KAZN: variants seen among roughly 807,000 people sequenced by gnomAD.
The protein encoded by KAZN is kazrin, periplakin interacting protein.
A neutral mutation model predicts 87.4 loss-of-function variants in KAZN; 40 were observed. The observed-to-expected ratio is 0.46, with a 90% CI of 0.36 to 0.60. The LOEUF is 0.60. Ranked by LOEUF, KAZN falls within the 20% of genes least tolerant of loss-of-function variation. KAZN has a pLI of 0.00. For synonymous variants in KAZN, 466 were observed against 458.3 expected (o/e 1.02, Z -0.22); for missense variants, 898 against 1,073.9 (o/e 0.84, Z 2.29).
At chr1:14,780,449 A>G (rs1300432392) in intron 1 of KAZN, among the ~76,000 whole-genome samples, 1 of 152,166 alleles carries the variant, frequency 6.6e-6, no homozygotes, top group Non-Finnish European at 1.5e-5. Context: ...TGTTGAGTGA[A>G]TGGATGAGCC....
At chr1:14,240,664 C>T (rs923812632) in intron 2 of KAZN, among the ~76,000 whole-genome samples, 1 of 152,252 alleles carries the variant, frequency 6.6e-6, no homozygotes, top group Non-Finnish European at 1.5e-5. Context: ...GTAAGGCTGT[C>T]ACTCTGCTAC....
At chr1:14,484,360 A>G (rs970348716) in intron 2 of KAZN, among the ~76,000 whole-genome samples, 1 of 151,788 alleles carries the variant, frequency 6.6e-6, no homozygotes, top group African/African-American at 2.4e-5. Flanking sequence ...TACACCACCA[A>G]AAAAAAATAT....
At chr1:15,100,459 C>A (rs138897360) in intron 10 of KAZN, among the ~76,000 whole-genome samples, 18 of 152,304 alleles carry the variant, frequency 1.2e-4, no homozygotes, top group Non-Finnish European at 1.9e-4. Context: ...CCACTTAGAC[C>A]AGCGCTCTCC....
intron 8 of KAZN, 155 bp downstream of exon 8, chr1:15,065,908 C>T (rs892775441): frequency 1.1e-5 from 16 of 1,461,990 alleles, no homozygotes; most frequent in African/African-American, 1.0e-4. Flanking sequence ...TGCACGTGTG[C>T]GCTGGCACAC....
chr1:14,761,738 C>A (rs563256800), intron 1 of KAZN, among the ~76,000 whole-genome samples: 1 of 152,260 alleles, frequency 6.6e-6, no homozygotes, highest in Admixed American at 6.5e-5. Flanking sequence ...GCAACCCTCA[C>A]TTTTCTTTTC....
intron 2 of KAZN, among the ~76,000 whole-genome samples, chr1:15,012,217 T>G (rs556208755): frequency 6.6e-6 from 1 of 152,074 alleles, no homozygotes; most frequent in Non-Finnish European, 1.5e-5. Flanking sequence ...ACCCCAGGAC[T>G]TGAACCTAGG....
chr1:14,864,568 A>G (rs1486029004), intron 1 of KAZN, among the ~76,000 whole-genome samples: 1 of 152,188 alleles, frequency 6.6e-6, no homozygotes, highest in Non-Finnish European at 1.5e-5. Context: ...TCTCTAAAAG[A>G]AAAAACAAAC....
chr1:14,704,101 A>G (rs373239896), intron 1 of KAZN, among the ~76,000 whole-genome samples: 5 of 152,208 alleles, frequency 3.3e-5, no homozygotes, highest in African/African-American at 9.7e-5. Flanking sequence ...TTCCAAACTT[A>G]TCCTTCAAGT....
chr1:14,846,044 G>A (rs942708489), intron 1 of KAZN, among the ~76,000 whole-genome samples: 1 of 152,168 alleles, frequency 6.6e-6, no homozygotes, highest in African/African-American at 2.4e-5. Flanking sequence ...GCTGGGAAGA[G>A]CCCAGGGGAA....
intron 1 of KAZN, among the ~76,000 whole-genome samples, chr1:14,886,551 G>A (rs1458381898): frequency 6.6e-6 from 1 of 152,108 alleles, no homozygotes; most frequent in Non-Finnish European, 1.5e-5. Flanking sequence ...CAGCACTTTG[G>A]GAAGCTGAGG....
intron 1 of KAZN, among the ~76,000 whole-genome samples, chr1:13,908,612 A>G (rs1183250463): frequency 6.6e-6 from 1 of 152,180 alleles, no homozygotes; most frequent in African/African-American, 2.4e-5. Context: ...GCCAGCAGAG[A>G]CTTTATAGCT....
intron 1 of KAZN, among the ~76,000 whole-genome samples, chr1:14,134,697 T>C (rs1645067031): frequency 6.6e-6 from 1 of 152,166 alleles, no homozygotes; most frequent in Non-Finnish European, 1.5e-5. Flanking sequence ...CATATTGTTT[T>C]CTAAATGATC....
chr1:15,060,292 C>T lies in KAZN; in HGVS notation c.1037C>T (p.Ser346Phe). Residue 346 changes from serine (S) to phenylalanine (F), a missense_variant, in exon 6 of 15, where the codon TCC becomes TTC. Ser to Phe is a radical substitution (Grantham distance 155). Transcript: ENST00000376030. ...DINSPRHRTH[S>F]LCNGDSPGPV... ...AACTCCCCTCGACACCGGACACACT[C>T]CCTCTGCAACGTAAGGCCAGCAGCA... The T allele has an allele frequency of 6.2e-7, 1 of 1,614,200 alleles. No homozygotes were observed. Among genetic ancestry groups the T allele is most frequent in the African/African-American group, 1.3e-5 (1 of 75,080 alleles).
At chr1:14,585,779 G>A (rs1675816647) in intron 2 of KAZN, among the ~76,000 whole-genome samples, 1 of 152,206 alleles carries the variant, frequency 6.6e-6, no homozygotes, top group Non-Finnish European at 1.5e-5. Flanking sequence ...GGTGCCGAAA[G>A]ATTCCTGAGG....
chr1:14,090,428 T>A (rs1318891355), intron 1 of KAZN, among the ~76,000 whole-genome samples: 1 of 151,876 alleles, frequency 6.6e-6, no homozygotes, highest in Admixed American at 6.5e-5. Flanking sequence ...CAATTCCGTC[T>A]GGTATTTTTT....
chr1:14,144,571 G>A (rs1238116116), intron 1 of KAZN, among the ~76,000 whole-genome samples: 1 of 152,094 alleles, frequency 6.6e-6, no homozygotes, highest in African/African-American at 2.4e-5. Context: ...TTACAGGCAT[G>A]AGCTACCACA....
chr1:14,474,213 T>C (rs1668601789), intron 2 of KAZN, among the ~76,000 whole-genome samples: 2 of 151,864 alleles, frequency 1.3e-5, no homozygotes, highest in Admixed American at 1.3e-4. Flanking sequence ...TTCTAGTACA[T>C]GCAAATACCT....
chr1:14,625,763 C>T (rs752925266), intron 1 of KAZN, among the ~76,000 whole-genome samples: 2 of 152,092 alleles, frequency 1.3e-5, no homozygotes, highest in African/African-American at 2.4e-5. Flanking sequence ...GTGCGTTGGA[C>T]GATGTGATTT....
intron 2 of KAZN, among the ~76,000 whole-genome samples, chr1:14,323,156 A>G: frequency 7.9e-6 from 1 of 126,618 alleles, no homozygotes; most frequent in African/African-American, 3.3e-5. Flanking sequence ...GATTATGGGG[A>G]TTACAATTCA....
Sources: gnomAD v4.1 joint callset for allele counts (sites outside exome capture counted in the v4.1 genomes callset) on GRCh38, gnomAD v4.1.1 for gene constraint, MANE v1.5 for transcripts, NCBI Gene and HGNC (gene_info 2026-07-23, HGNC 2026-07-21) for gene names.